The following ANKRD12 variants were observed in gnomAD, a reference collection of about 807,000 sequenced individuals.
The protein encoded by ANKRD12 is ankyrin repeat domain 12, also known as ankyrin repeat domain-containing protein 12.
Under a neutral mutation model 183.4 loss-of-function variants are expected in ANKRD12, and 85 were observed. The observed-to-expected ratio is 0.46, with a 90% CI of 0.39 to 0.56. The LOEUF (loss-of-function observed/expected upper bound fraction) is 0.56, where lower values mean the gene tolerates loss of function less well. Ranked by LOEUF, ANKRD12 falls within the 20% of genes least tolerant of loss-of-function variation. The pLI is 0.00. For synonymous variants in ANKRD12, 914 were observed against 800.2 expected (o/e 1.14, Z -2.40); for missense variants, 2,405 against 2,357.1 (o/e 1.02, Z -0.42).
intron 2 of ANKRD12, among the ~76,000 whole-genome samples, chr18:9,184,427 C>A (rs1026178788): frequency 4.0e-5 from 6 of 151,792 alleles, no homozygotes; most frequent in African/African-American, 1.5e-4. Flanking sequence ...ATTTTGCTCT[C>A]TTACCCAGGC....
At position 9,275,661 on chromosome 18, in the gene ANKRD12, C is replaced by A; in HGVS notation, c.5901C>A (p.Asp1967Glu). Residue 1967 changes from aspartate (D) to glutamate (E), a missense_variant, in exon 11 of 13, where the codon GAC (aspartate) becomes GAA (glutamate). Coordinates refer to ENST00000262126, the MANE Select transcript of ANKRD12 (RefSeq NM_015208.5). ...LDAEVYNVPL[D>E]SQSDDSKTSV... The stretch of plus-strand genomic sequence containing the variant: ...CCGAAGTATACAATGTACCATTGGA[C>A]TCTCAGGTAAAATGTTTGTTGATAC... The A allele has an allele frequency of 6.4e-7, 1 of 1,564,300 alleles. No homozygotes were observed. The highest frequency in any genetic ancestry group is 1.2e-5 in the South Asian group (1 of 84,600).
chr18:9,187,583 C>T (rs956223519), intron 2 of ANKRD12, among the ~76,000 whole-genome samples: 7 of 152,212 alleles, frequency 4.6e-5, no homozygotes, highest in African/African-American at 1.7e-4. Context: ...TATTTTATAG[C>T]AATTTAATTT....
intron 1 of ANKRD12, among the ~76,000 whole-genome samples, chr18:9,163,926 G>A (rs2031743809): frequency 2.0e-5 from 3 of 152,076 alleles, no homozygotes; most frequent in South Asian, 2.1e-4. Flanking sequence ...AGACGCTTTC[G>A]GGCCGAGACA....
intron 9 of ANKRD12, among the ~76,000 whole-genome samples, chr18:9,262,128 GTC>G (rs1301149077): frequency 3.3e-5 from 5 of 152,094 alleles, no homozygotes; most frequent in African/African-American, 9.7e-5. Context: ...CATGTTTTCA[GTC>G]TCTCATAATG....
intron 2 of ANKRD12, among the ~76,000 whole-genome samples, chr18:9,182,730 A>G (rs1311196395): frequency 6.6e-6 from 1 of 152,196 alleles, no homozygotes; most frequent in African/African-American, 2.4e-5. Context: ...GTAAAACACA[A>G]TTACTAAGAT....
chr18:9,207,641 A>T (rs771214397), intron 4 of ANKRD12, among the ~76,000 whole-genome samples: 2 of 152,116 alleles, frequency 1.3e-5, no homozygotes, highest in Non-Finnish European at 2.9e-5. Flanking sequence ...AAAAGACACT[A>T]TTTTGACTAC....
At chr18:9,176,053 G>A (rs755155335) in intron 1 of ANKRD12, among the ~76,000 whole-genome samples, 2 of 152,170 alleles carry the variant, frequency 1.3e-5, no homozygotes, top group Non-Finnish European at 2.9e-5. Context: ...ATGTTTATCT[G>A]TGTATCATTG....
chr18:9,217,200 A>G (rs973766393), intron 7 of ANKRD12, among the ~76,000 whole-genome samples: 1 of 152,314 alleles, frequency 6.6e-6, no homozygotes, highest in East Asian at 1.9e-4. Flanking sequence ...TATATATAGT[A>G]AAAATTGTAC....
Position 9,275,518 on chromosome 18 carries a change from A to G in ANKRD12, c.5764-6A>G. 1.3e-6 allele frequency: 2 copies of G among 1,583,100 alleles called. No homozygotes were observed. Among genetic ancestry groups the G allele is most frequent in the Non-Finnish European group, 1.7e-6 (2 of 1,166,164 alleles). ...TTTATTTTTTTTTAATTCTTTATTC[A>G]ACTAGGAAAAACTCATTGTATCCAA... On this transcript the variant is annotated splice_region_variant and splice_polypyrimidine_tract_variant and intron_variant, in intron 10 of 12. Transcript: ENST00000262126.
intron 6 of ANKRD12, among the ~76,000 whole-genome samples, chr18:9,215,410 A>G (rs1056176566): frequency 2.0e-5 from 3 of 152,082 alleles, no homozygotes; most frequent in Admixed American, 1.3e-4. Context: ...GATGTCATCA[A>G]TTTCTTCCTG....
chr18:9,213,138 C>T (rs2035901459), intron 6 of ANKRD12, among the ~76,000 whole-genome samples: 1 of 151,858 alleles, frequency 6.6e-6, no homozygotes, highest in Non-Finnish European at 1.5e-5. Flanking sequence ...TTGTCTTTCT[C>T]TGTATCATAA....
At chr18:9,247,353 C>T (rs1270258279) in intron 8 of ANKRD12, among the ~76,000 whole-genome samples, 2 of 151,370 alleles carry the variant, frequency 1.3e-5, no homozygotes, top group Admixed American at 6.6e-5. Context: ...GTGGTGTGTA[C>T]CTGTAGTCCT....
At chr18:9,163,983 A>C (rs996706233) in intron 1 of ANKRD12, among the ~76,000 whole-genome samples, 5 of 152,158 alleles carry the variant, frequency 3.3e-5, no homozygotes, top group African/African-American at 1.2e-4. Context: ...AACAAAGGTA[A>C]TTTGACTTTC....
At chr18:9,169,110 T>C (rs1001683704) in intron 1 of ANKRD12, among the ~76,000 whole-genome samples, 6 of 152,226 alleles carry the variant, frequency 3.9e-5, no homozygotes, top group Admixed American at 6.5e-5. Flanking sequence ...TCTGTTCTTT[T>C]ACATTTGCTG....
intron 1 of ANKRD12, among the ~76,000 whole-genome samples, chr18:9,170,407 T>G (rs1598442126): frequency 6.6e-6 from 1 of 152,202 alleles, no homozygotes. Flanking sequence ...AGGTTTTGTT[T>G]GTTTCTTTTT....
intron 1 of ANKRD12, among the ~76,000 whole-genome samples, chr18:9,168,787 C>T (rs2032361885): frequency 6.6e-6 from 1 of 152,050 alleles, no homozygotes; most frequent in South Asian, 2.1e-4. Flanking sequence ...GCTCTTGCTT[C>T]TCTAGTTCTT....
At chr18:9,280,866 AACTG>A (rs2040081643) in intron 12 of ANKRD12, 71 bp from the exon 13 acceptor site, 1 of 1,425,000 alleles carries the variant, frequency 7.0e-7, no homozygotes, top group Non-Finnish European at 9.7e-7. Context: ...TTCCTAAAGA[AACTG>A]GATGAGATTA....
chr18:9,245,960 CTT>C (rs200577740), intron 8 of ANKRD12, among the ~76,000 whole-genome samples: 2,094 of 152,188 alleles, frequency 0.014, 52 homozygotes, highest in African/African-American at 0.048. Flanking sequence ...GTCAGAGAAA[CTT>C]GGATTTGAAG....
intron 1 of ANKRD12, among the ~76,000 whole-genome samples, chr18:9,142,631 C>T (rs927025002): frequency 6.6e-6 from 1 of 152,184 alleles, no homozygotes; most frequent in Non-Finnish European, 1.5e-5. Flanking sequence ...CCTGTAATCT[C>T]TGCTCTTTGG....
Sources: allele counts gnomAD v4.1 joint callset (sites outside exome capture counted in the v4.1 genomes callset), GRCh38; gene constraint gnomAD v4.1.1; transcripts MANE v1.5; gene names NCBI Gene and HGNC (gene_info 2026-07-23, HGNC 2026-07-21).